The following ZMPSTE24 variants were observed in gnomAD, a reference collection of about 807,000 sequenced individuals.
ZMPSTE24 encodes the protein CAAX prenyl protease 1 homolog.
A neutral mutation model predicts 56.7 loss-of-function variants in ZMPSTE24; 48 were observed. That is an observed-to-expected ratio of 0.85 (90% CI 0.67 to 1.08). ZMPSTE24 has a LOEUF of 1.08. Among genes scored for constraint, ZMPSTE24 ranks in the 50% least tolerant of loss-of-function variants. ZMPSTE24 has a pLI of 0.00. For missense variants in ZMPSTE24, 503 were observed against 548.7 expected (o/e 0.92, Z 0.83); for synonymous variants, 172 against 195.2 (o/e 0.88, Z 0.99).
chr1:40,258,366 T>G lies in ZMPSTE24; in HGVS notation c.95T>G (p.Leu32Arg). 2 of 1,614,146 alleles carry G rather than the reference T, an allele frequency of 1.2e-6. No individual in the cohort carries two copies. The highest frequency in any genetic ancestry group is 1.7e-6 in the Non-Finnish European group (2 of 1,180,014). The change falls in exon 1 of 10, where the codon CTT becomes CGT. Residue 32 changes from leucine to arginine, a missense_variant. By Grantham distance (102) the Leu-to-Arg change is moderately radical. Coordinates refer to ENST00000372759, the MANE Select transcript of ZMPSTE24 (RefSeq NM_005857.5). Reference protein sequence around the residue: ...AVLLFSWTVYLWETFLAQRQR... With the variant: ...AVLLFSWTVYRWETFLAQRQR... Reference sequence around the variant, plus strand: ...CTGCTCTTTTCCTGGACAGTGTATCTTTGGGAGACCTTCCTAGCACAGCGG... The same window carrying G: ...CTGCTCTTTTCCTGGACAGTGTATCGTTGGGAGACCTTCCTAGCACAGCGG...
chr1:40,264,725 A>T (rs571774480), intron 2 of ZMPSTE24, among the ~76,000 whole-genome samples: 10 of 151,742 alleles, frequency 6.6e-5, no homozygotes, highest in South Asian at 4.2e-4. Context: ...AAAAATTTTT[A>T]AAAAATCAAC....
At position 40,292,749 on chromosome 1, in the gene ZMPSTE24, C is replaced by T. The variant is rs1283090199; in HGVS notation, c.*80C>T. Reference sequence around the variant, plus strand: ...TGTTCCAGCTCTTGATGTTTTTAAACTTTTTTTTAGAAGAAAAATTAAGTA... The same window carrying T: ...TGTTCCAGCTCTTGATGTTTTTAAATTTTTTTTTAGAAGAAAAATTAAGTA... On this transcript the variant is annotated 3_prime_UTR_variant, in exon 10 of 10. Transcript: ENST00000372759. 17 of 1,388,018 alleles carry T rather than the reference C, an allele frequency of 1.2e-5. No individual in the cohort carries two copies. Among genetic ancestry groups the T allele is most frequent in the Non-Finnish European group, 1.7e-5 (17 of 993,942 alleles). 86.0% of individuals were successfully genotyped at this position (1,388,018 alleles called of 1,614,324 possible). A position where few individuals can be genotyped will look rare whatever the true frequency, so the allele number is the denominator to read the frequency against.
At chr1:40,275,284 A>C (rs1643656944) in intron 6 of ZMPSTE24, among the ~76,000 whole-genome samples, 1 of 148,740 alleles carries the variant, frequency 6.7e-6, no homozygotes, top group South Asian at 2.1e-4. Context: ...AAAAAAAAAA[A>C]AAAGCCGGGC....
At chr1:40,278,586 A>AAAAAAT (rs1643695835) in intron 6 of ZMPSTE24, among the ~76,000 whole-genome samples, 1 of 146,490 alleles carries the variant, frequency 6.8e-6, no homozygotes, top group Admixed American at 6.9e-5. Context: ...AAAAAAAAAA[A>AAAAAAT]GAATATCTCG....
chr1:40,282,083 G>A (rs1310573053), intron 7 of ZMPSTE24, among the ~76,000 whole-genome samples: 1 of 151,990 alleles, frequency 6.6e-6, no homozygotes, highest in East Asian at 1.9e-4. Flanking sequence ...ACTTTACTTG[G>A]CACTAGGTAC....
intron 2 of ZMPSTE24, among the ~76,000 whole-genome samples, chr1:40,263,175 G>A (rs61779101): frequency 0.049 from 7,455 of 152,214 alleles, 523 homozygotes; most frequent in African/African-American, 0.16. Flanking sequence ...TTGTTCTAGG[G>A]GATGACAGAA....
chr1:40,281,665 G>C, intron 7 of ZMPSTE24, 138 bp downstream of exon 7: 1 of 892,382 alleles, frequency 1.1e-6, no homozygotes, highest in Non-Finnish European at 1.8e-6. Flanking sequence ...CTCCTTTATA[G>C]TTCTGGTATT....
intron 8 of ZMPSTE24, among the ~76,000 whole-genome samples, chr1:40,288,767 A>C (rs1643810390): frequency 6.6e-6 from 1 of 152,106 alleles, no homozygotes; most frequent in South Asian, 2.1e-4. Context: ...GAAGTTTTTC[A>C]CATACCTCTT....
chr1:40,279,798 C>T (rs1435087065), intron 6 of ZMPSTE24, among the ~76,000 whole-genome samples: 1 of 152,186 alleles, frequency 6.6e-6, no homozygotes, highest in Non-Finnish European at 1.5e-5. Context: ...GCATACTTCT[C>T]AGATGTAATG....
intron 1 of ZMPSTE24, among the ~76,000 whole-genome samples, chr1:40,258,864 A>G (rs958254690): frequency 1.3e-5 from 2 of 152,102 alleles, no homozygotes; most frequent in Non-Finnish European, 2.9e-5. Flanking sequence ...CAAACAAACA[A>G]AAAACTTATC....
At chr1:40,279,808 G>A (rs771973563) in intron 6 of ZMPSTE24, among the ~76,000 whole-genome samples, 9 of 152,140 alleles carry the variant, frequency 5.9e-5, no homozygotes, top group Non-Finnish European at 8.8e-5. Context: ...CAGATGTAAT[G>A]GTTTTGCCAG....
chr1:40,267,973 C>A (rs1643572378), intron 3 of ZMPSTE24, 101 bp downstream of exon 3: 8 of 1,042,392 alleles, frequency 7.7e-6, no homozygotes, highest in Non-Finnish European at 1.2e-5. Context: ...TTAAGATTTG[C>A]CTCTCTGTTT....
At chr1:40,263,596 G>A (rs1643519626) in intron 2 of ZMPSTE24, among the ~76,000 whole-genome samples, 1 of 152,154 alleles carries the variant, frequency 6.6e-6, no homozygotes. Context: ...ATGCTTGGCA[G>A]GAAGAATATT....
intron 7 of ZMPSTE24, among the ~76,000 whole-genome samples, chr1:40,282,705 C>A (rs113441683): frequency 2.6e-5 from 4 of 152,296 alleles, no homozygotes; most frequent in African/African-American, 7.2e-5. Context: ...TCAAGCCCCA[C>A]GCTATTTTTT....
intron 8 of ZMPSTE24, among the ~76,000 whole-genome samples, chr1:40,286,636 G>A (rs1345476719): frequency 1.3e-5 from 2 of 151,724 alleles, no homozygotes; most frequent in African/African-American, 4.8e-5. Context: ...GGCCAGGCTG[G>A]TCTCGAACTC....
chr1:40,267,958 C>T (rs183700026), intron 3 of ZMPSTE24, 86 bp downstream of exon 3: 2 of 1,215,512 alleles, frequency 1.6e-6, no homozygotes, highest in Admixed American at 1.7e-5. Flanking sequence ...TGGCTTCTGC[C>T]AATGTTAAGA....
At chr1:40,279,465 G>A (rs925090769) in intron 6 of ZMPSTE24, among the ~76,000 whole-genome samples, 5 of 152,140 alleles carry the variant, frequency 3.3e-5, no homozygotes, top group African/African-American at 1.2e-4. Flanking sequence ...CAAGAAATAC[G>A]TTTGCTTATT....
At position 40,281,344 on chromosome 1, in the gene ZMPSTE24, A is replaced by C. The variant is rs1643726847; in HGVS notation, c.771A>C (p.Gly257=). 1 of 1,613,692 alleles carries C rather than the reference A, an allele frequency of 6.2e-7. No homozygotes were observed. The highest frequency in any genetic ancestry group is 1.7e-5 in the Admixed American group (1 of 59,980). Residue 257 remains glycine (G), a splice_region_variant and synonymous_variant, in exon 7 of 10, where the codon GGA becomes GGC. Coordinates refer to ENST00000372759, the MANE Select transcript of ZMPSTE24 (RefSeq NM_005857.5). ...TGCTTTGAACTGTCTTTTCCTTAGGATCTAAACGCTCTTCCCACAGCAATG... is the reference window on the plus strand; with the variant it reads ...TGCTTTGAACTGTCTTTTCCTTAGGCTCTAAACGCTCTTCCCACAGCAATG... ...FPLTKVYVVE[G]SKRSSHSNAY... is the part of the protein sequence containing the mutation.
chr1:40,274,515 G>A (rs1643649223), intron 6 of ZMPSTE24, among the ~76,000 whole-genome samples: 1 of 152,288 alleles, frequency 6.6e-6, no homozygotes, highest in Non-Finnish European at 1.5e-5. Context: ...CCCATTTGAC[G>A]TCAATGGGAA....
Sources: allele counts gnomAD v4.1 joint callset (sites outside exome capture counted in the v4.1 genomes callset), GRCh38; gene constraint gnomAD v4.1.1; transcripts MANE v1.5; gene names NCBI Gene and HGNC (gene_info 2026-07-23, HGNC 2026-07-21).